Variants in CDYL observed in about 807,000 individuals in gnomAD.
The protein encoded by CDYL is chromodomain Y like.
In CDYL, 8 loss-of-function variants were observed where a neutral mutation model predicts 47.3. The ratio of observed to expected loss-of-function variants is 0.17; its 90% CI spans 0.10 to 0.31. CDYL has a LOEUF of 0.31. Ranked by LOEUF, CDYL falls within the 10% of genes least tolerant of loss-of-function variation. The pLI is 1.00. For synonymous variants in CDYL, 266 were observed against 265.0 expected (o/e 1.00, Z -0.04); for missense variants, 471 against 701.4 (o/e 0.67, Z 3.71).
chr6:4,900,134 C>T (rs139740778), intron 2 of CDYL, among the ~76,000 whole-genome samples: 1 of 152,294 alleles, frequency 6.6e-6, no homozygotes, highest in Admixed American at 6.5e-5. Context: ...GAGAGAACAT[C>T]AGTAGTTTGA....
In CDYL at chr6:4,938,364, C is replaced by G. The variant is rs558097793; in HGVS notation, c.1121+627C>G. 1.6e-3 allele frequency among the ~76,000 whole-genome samples: 250 copies of G among 152,246 alleles called. 4 individuals are homozygous for G. Among genetic ancestry groups the G allele is most frequent in the Admixed American group, 3.9e-3 (59 of 15,296 alleles). On this transcript the variant is annotated intron_variant, in intron 4 of 6. Coordinates refer to ENST00000397588, the MANE Select transcript of CDYL (RefSeq NM_004824.4). ...AGTCCTCCTTGTCCCTCACTCCCCT[C>G]AAGGTATCCAACATTCATTGGTGTG...
At chr6:4,822,082 A>G (rs1051832974) in intron 1 of CDYL, among the ~76,000 whole-genome samples, 2 of 151,800 alleles carry the variant, frequency 1.3e-5, no homozygotes, top group Non-Finnish European at 2.9e-5. Context: ...GATCCTCCCA[A>G]CTCAGCTTCC....
chr6:4,724,855 A>C (rs1213603821), intron 2 of CDYL: 1 of 152,196 alleles, frequency 6.6e-6, no homozygotes, highest in East Asian at 1.9e-4. Flanking sequence ...TAAAGCTTCC[A>C]AACCGTGGAA....
chr6:4,869,189 G>A (rs1013289580), intron 1 of CDYL, among the ~76,000 whole-genome samples: 2 of 151,648 alleles, frequency 1.3e-5, no homozygotes, highest in African/African-American at 4.8e-5. Context: ...TCTGCCTCCT[G>A]GGTTCAAGCG....
At chr6:4,874,942 C>G (rs1055075469) in intron 1 of CDYL, among the ~76,000 whole-genome samples, 4 of 152,192 alleles carry the variant, frequency 2.6e-5, no homozygotes, top group African/African-American at 4.8e-5. Context: ...CCACTTTGCT[C>G]TCAGTGGGTA....
At chr6:4,946,859 G>T (rs1758536741) in intron 5 of CDYL, among the ~76,000 whole-genome samples, 1 of 152,148 alleles carries the variant, frequency 6.6e-6, no homozygotes, top group Non-Finnish European at 1.5e-5. Context: ...GGCTCCATAT[G>T]CATCTTGTCC....
intron 1 of CDYL, among the ~76,000 whole-genome samples, chr6:4,787,467 T>G (rs1030385585): frequency 6.6e-6 from 1 of 152,140 alleles, no homozygotes; most frequent in African/African-American, 2.4e-5. Context: ...AGCTCTAGAT[T>G]GGGGCTGCTT....
chr6:4,843,269 T>G (rs1450777972), intron 1 of CDYL, among the ~76,000 whole-genome samples: 1 of 152,154 alleles, frequency 6.6e-6, no homozygotes, highest in Admixed American at 6.5e-5. Context: ...CATCTTAACT[T>G]TAGATAACCT....
intron 1 of CDYL, among the ~76,000 whole-genome samples, chr6:4,777,232 G>A (rs1436237224): frequency 6.6e-6 from 1 of 152,046 alleles, no homozygotes; most frequent in Non-Finnish European, 1.5e-5. Context: ...TGGTCGGGGG[G>A]TGGCGGGGAG....
intron 1 of CDYL, among the ~76,000 whole-genome samples, chr6:4,860,808 G>C (rs923222242): frequency 7.2e-5 from 11 of 152,026 alleles, no homozygotes; most frequent in Non-Finnish European, 1.2e-4. Flanking sequence ...CCAGCATGGA[G>C]AAAGATGTAG....
At chr6:4,746,372 A>AG (rs1757897809) in intron 3 of CDYL, among the ~76,000 whole-genome samples, 1 of 152,028 alleles carries the variant, frequency 6.6e-6, no homozygotes, top group African/African-American at 2.4e-5. Context: ...AAAAAAAAAA[A>AG]AAAAAAAGTT....
At chr6:4,896,098 A>G (rs758567215) in intron 2 of CDYL, among the ~76,000 whole-genome samples, 7 of 152,204 alleles carry the variant, frequency 4.6e-5, no homozygotes, top group Non-Finnish European at 5.9e-5. Flanking sequence ...CTGAGAATAT[A>G]ATCACTAGTT....
chr6:4,880,593 G>A (rs1293535837), intron 1 of CDYL, among the ~76,000 whole-genome samples: 1 of 152,346 alleles, frequency 6.6e-6, no homozygotes, highest in African/African-American at 2.4e-5. Context: ...GTATGTTTCA[G>A]TTTGTAAGAA....
At chr6:4,930,594 C>T (rs139572743) in intron 2 of CDYL, among the ~76,000 whole-genome samples, 192 of 152,324 alleles carry the variant, frequency 1.3e-3, no homozygotes, top group Admixed American at 2.2e-3. Flanking sequence ...TATTCAGTTT[C>T]CTAGCTATCA....
At chr6:4,806,186 C>T (rs1759365265) in intron 1 of CDYL, among the ~76,000 whole-genome samples, 1 of 152,216 alleles carries the variant, frequency 6.6e-6, no homozygotes, top group Non-Finnish European at 1.5e-5. Flanking sequence ...GGCTGTGCCA[C>T]CTGGAAAACC....
intron 2 of CDYL, among the ~76,000 whole-genome samples, chr6:4,910,322 T>C (rs1000824548): frequency 2.6e-5 from 4 of 152,248 alleles, no homozygotes; most frequent in African/African-American, 9.6e-5. Flanking sequence ...TTTGTGTCTT[T>C]GTCTTGTTGC....
At chr6:4,722,839 C>T (rs11242974) in intron 2 of CDYL, among the ~76,000 whole-genome samples, 19,602 of 152,140 alleles carry the variant, frequency 0.13, 1,549 homozygotes, top group African/African-American at 0.23. Context: ...ATCGTGCCAC[C>T]GTACTCCAGC....
intron 1 of CDYL, among the ~76,000 whole-genome samples, chr6:4,818,007 A>G (rs1482174821): frequency 6.6e-6 from 1 of 152,218 alleles, no homozygotes; most frequent in African/African-American, 2.4e-5. Context: ...CTGTAATCCC[A>G]GAACTTTGGG....
intron 3 of CDYL, among the ~76,000 whole-genome samples, chr6:4,745,651 G>A (rs756333892): frequency 2.0e-5 from 3 of 152,182 alleles, no homozygotes; most frequent in Non-Finnish European, 4.4e-5. Flanking sequence ...ACACTGAGGA[G>A]TAGAAGTGTC....
Sources: allele counts gnomAD v4.1 joint callset (sites outside exome capture counted in the v4.1 genomes callset), GRCh38; gene constraint gnomAD v4.1.1; transcripts MANE v1.5; gene names NCBI Gene and HGNC (gene_info 2026-07-23, HGNC 2026-07-21).